Variants in TLN1 observed in about 807,000 individuals in gnomAD.
The protein encoded by TLN1 is talin-1.
Under a neutral mutation model 292.3 loss-of-function variants are expected in TLN1, and 56 were observed. The ratio of observed to expected loss-of-function variants is 0.19; its 90% CI spans 0.15 to 0.24. The LOEUF is 0.24. Ranked by LOEUF, TLN1 falls within the 10% of genes least tolerant of loss-of-function variation. The probability of loss-of-function intolerance (pLI) is 1.00; values close to 1 mark genes in which losing one functional copy is unlikely to be tolerated. For missense variants in TLN1, 2,433 were observed against 3,248.2 expected, an observed-to-expected ratio of 0.75 and a Z score of 6.10; for synonymous variants, 1,119 against 1,253.7, an observed-to-expected ratio of 0.89 and a Z score of 2.27.
chr9:35,718,539 G>C (rs143310482), intron 17 of TLN1, among the ~76,000 whole-genome samples: 3 of 152,236 alleles, frequency 2.0e-5, no homozygotes, highest in African/African-American at 7.2e-5. Context: ...ATTGGGGCAA[G>C]GGCTATGTAC....
intron 1 of TLN1, among the ~76,000 whole-genome samples, chr9:35,727,601 C>A (rs191029109): frequency 6.6e-6 from 1 of 152,290 alleles, no homozygotes; most frequent in East Asian, 1.9e-4. Flanking sequence ...CTTTGCCCAA[C>A]CTTATTACTA....
At position 35,719,061 on chromosome 9, in the gene TLN1, T is replaced by C; in HGVS notation, c.1896+13A>G. On this transcript the variant is annotated intron_variant, in intron 16 of 56. Coordinates refer to ENST00000314888, the MANE Select transcript of TLN1 (RefSeq NM_006289.4). The surrounding 1 kb of genome is among the most constrained non-coding windows in gnomAD (Gnocchi z 4.6). ...CCCTGTCTCCACCCTAACCCAAACC[T>C]GTGGCCCCTGACCTCAGCACTGGCT... 1 of 1,608,158 alleles carries C rather than the reference T, an allele frequency of 6.2e-7. No homozygotes were observed. The highest frequency in any genetic ancestry group is 2.2e-5 in the East Asian group (1 of 44,758).
chr9:35,714,423 T>G lies in TLN1; in HGVS notation c.2986-50A>C. ...GAAGTGTGCCATCCTCCCTCTGGGC[T>G]TGGGTACAAGGACTGATGATGGTCA... On this transcript the variant is annotated intron_variant, in intron 23 of 56. Transcript: ENST00000314888. This position sits in a 1 kb window ranked among gnomAD's most constrained non-coding sequence, Gnocchi z 4.6. 1.9e-6 allele frequency: 3 copies of G among 1,581,692 alleles called. No homozygotes were observed. The highest frequency in any genetic ancestry group is 2.6e-6 in the Non-Finnish European group (3 of 1,164,870).
Position 35,704,949 on chromosome 9 carries a change from A to G in TLN1, c.5734-134T>C, listed in dbSNP as rs1825537555. 8.9e-7 allele frequency: 1 copy of G among 1,125,834 alleles called. No individual in the cohort carries two copies. The allele number at this position is 1,125,834 out of a possible 1,614,324, so 69.7% of individuals were successfully genotyped here. ...AAAGAAGCAGAGAGAGAAGGTTCCCAGCACAAGGACGTTTCCGGTTGCATA... is the reference window on the plus strand; with the variant it reads ...AAAGAAGCAGAGAGAGAAGGTTCCCGGCACAAGGACGTTTCCGGTTGCATA... On this transcript the variant is annotated intron_variant, in intron 43 of 56. Coordinates refer to ENST00000314888, the MANE Select transcript of TLN1 (RefSeq NM_006289.4). This position sits in a 1 kb window ranked among gnomAD's most constrained non-coding sequence, Gnocchi z 6.9.
chr9:35,715,295 A>G (rs1825757833), intron 20 of TLN1, 108 bp from the exon 21 acceptor site: 1 of 1,438,836 alleles, frequency 7.0e-7, no homozygotes, highest in Admixed American at 2.3e-5. Context: ...ATTTTCCTGA[A>G]GTCATCTCTA....
At chr9:35,711,176 G>A (rs1209565751) in intron 30 of TLN1, 79 bp downstream of exon 30, 3 of 1,609,834 alleles carry the variant, frequency 1.9e-6, no homozygotes, top group Non-Finnish European at 2.5e-6. Context: ...CCATTCCTAA[G>A]CCAAGAAGCT....
At position 35,699,856 on chromosome 9, in the gene TLN1, T is replaced by C. The variant is rs1242216047; in HGVS notation, c.6768+118A>G. ...TGGAAAGGAGAACAGATTTGGGAAGTAGAGGGTGGGGTAGGGAGGAGATCT... is the reference window on the plus strand; with the variant it reads ...TGGAAAGGAGAACAGATTTGGGAAGCAGAGGGTGGGGTAGGGAGGAGATCT... On this transcript the variant is annotated intron_variant, in intron 50 of 56. Coordinates refer to ENST00000314888, the MANE Select transcript of TLN1 (RefSeq NM_006289.4). The surrounding 1 kb of genome is among the most constrained non-coding windows in gnomAD (Gnocchi z 4.0). 5.2e-6 allele frequency: 6 copies of C among 1,153,074 alleles called. No individual in the cohort carries two copies. Among genetic ancestry groups the C allele is most frequent in the Non-Finnish European group, 7.2e-6 (6 of 834,448 alleles). 71.4% of individuals were successfully genotyped at this position (1,153,074 alleles called of 1,614,324 possible). A position where few individuals can be genotyped will look rare whatever the true frequency, so the allele number is the denominator to read the frequency against.
rs375218015 is a variant in TLN1, at chr9:35,713,956, C to T, written c.3246G>A (p.Glu1082=). 5.6e-6 allele frequency: 9 copies of T among 1,614,010 alleles called. No homozygotes were observed. The African/African-American group carries it at 1.2e-4, about 22-fold the overall frequency. ...RDGKLKPLPG[E]TMEKCTQDLG... ...ATGAGGTCTTAAACATACTTACTGT[C>T]TCCCCAGGTAAGGGTTTAAGCTTGC... Residue 1082 remains glutamate (E), a synonymous_variant, in exon 25 of 57, where the codon GAG becomes GAA. Transcript: ENST00000314888.
chr9:35,703,730 T>G lies in TLN1; in HGVS notation c.6357+45A>C, dbSNP rs370685076. The G allele has an allele frequency of 1.2e-5, 20 of 1,614,182 alleles. No individual in the cohort carries two copies. In the African/African-American group the frequency reaches 1.7e-4, roughly 14 times the overall value. On this transcript the variant is annotated intron_variant, in intron 47 of 56. Coordinates refer to ENST00000314888, the MANE Select transcript of TLN1 (RefSeq NM_006289.4). Reference sequence around the variant, plus strand: ...TGATTTTAAGGAACAGGAGGAAGTATGTTAATCCAGTGCCCCTCCTGATGT... The same window carrying G: ...TGATTTTAAGGAACAGGAGGAAGTAGGTTAATCCAGTGCCCCTCCTGATGT...
intron 41 of TLN1, 55 bp from the exon 42 acceptor site, chr9:35,705,906 T>C (rs572543517): frequency 1.2e-6 from 2 of 1,614,102 alleles, no homozygotes; most frequent in African/African-American, 1.3e-5. Context: ...GCCACTGTGC[T>C]TGGAGGCTCT....
chr9:35,714,744 C>T lies in TLN1; in HGVS notation c.2871+16G>A. 6.2e-7 allele frequency: 1 copy of T among 1,607,634 alleles called. No individual in the cohort carries two copies. Among genetic ancestry groups the T allele is most frequent in the South Asian group, 1.1e-5 (1 of 90,028 alleles). On this transcript the variant is annotated intron_variant, in intron 22 of 56. Coordinates refer to ENST00000314888, the MANE Select transcript of TLN1 (RefSeq NM_006289.4). The surrounding 1 kb of genome is among the most constrained non-coding windows in gnomAD (Gnocchi z 4.6). ...AGTCTCCCTCTTCCACTCCCACATC[C>T]TTCCTAGAGTCTTACCTTGCAGCTC...
chr9:35,725,514 C>T (rs746454568), intron 2 of TLN1, 51 bp downstream of exon 2: 69 of 1,596,784 alleles, frequency 4.3e-5, no homozygotes, highest in African/African-American at 2.0e-4. Flanking sequence ...AGCCTGGGAA[C>T]AAGAAGGGAC....
chr9:35,716,783 C>A (rs1374723040), intron 19 of TLN1, among the ~76,000 whole-genome samples: 1 of 152,170 alleles, frequency 6.6e-6, no homozygotes, highest in Non-Finnish European at 1.5e-5. Flanking sequence ...GAAGGACAGT[C>A]TCCAATGGGT....
In TLN1 at chr9:35,707,477, C is replaced by T. The variant is rs1478447505; in HGVS notation, c.4644G>A (p.Gly1548=). The T allele has an allele frequency of 1.2e-6, 2 of 1,614,028 alleles. No individual in the cohort carries two copies. Among genetic ancestry groups the T allele is most frequent in the East Asian group, 4.5e-5 (2 of 44,886 alleles). ...GGGCACGGTTCTCCTCTGTGAAGGC[C>T]CCATCTAGCGCCTAGAAGTGACAGA... ...NLVKTIKALD[G]AFTEENRAQC... is the part of the protein sequence containing the mutation. The change falls in exon 36 of 57, where the codon GGG becomes GGA. Residue 1548 remains glycine, a synonymous_variant. Transcript: ENST00000314888. This position sits in a 1 kb window ranked among gnomAD's most constrained non-coding sequence, Gnocchi z 5.6.
At position 35,702,476 on chromosome 9, in the gene TLN1, A is replaced by T. The variant is rs547958320; in HGVS notation, c.6474+1084T>A. 2.6e-5 allele frequency among the ~76,000 whole-genome samples: 4 copies of T among 152,210 alleles called. No individual in the cohort carries two copies. The South Asian group carries it at 8.3e-4, about 32-fold the overall frequency. On this transcript the variant is annotated intron_variant, in intron 48 of 56. Coordinates refer to ENST00000314888, the MANE Select transcript of TLN1 (RefSeq NM_006289.4). ...AGCCAGTATCTAGGCCAAGGGAAGA[A>T]AGAATTTCATTTTTTTTCTTTTTTG...
Position 35,717,434 on chromosome 9 carries a change from C to A in TLN1, c.2170G>T (p.Ala724Ser). ...CAGACAGGTGAGCTGATTGTAGGTG[C>A]CACCACCTGTAGGTAAAGTGAATGT... Reference protein sequence around the residue: ...SQLVACTKVVAPTISSPVCQE... With the variant: ...SQLVACTKVVSPTISSPVCQE... The change falls in exon 19 of 57, where the codon GCA becomes TCA. Residue 724 changes from alanine to serine, a missense_variant. Coordinates refer to ENST00000314888, the MANE Select transcript of TLN1 (RefSeq NM_006289.4). The surrounding 1 kb of genome is among the most constrained non-coding windows in gnomAD (Gnocchi z 4.7). 2 of 1,612,204 alleles carry A rather than the reference C, an allele frequency of 1.2e-6. No homozygotes were observed. Among genetic ancestry groups the A allele is most frequent in the Non-Finnish European group, 1.7e-6 (2 of 1,178,502 alleles).
chr9:35,713,990 G>C lies in TLN1; in HGVS notation c.3212C>G (p.Ala1071Gly). 6.2e-7 allele frequency: 1 copy of C among 1,614,152 alleles called. No individual in the cohort carries two copies. Among genetic ancestry groups the C allele is most frequent in the Non-Finnish European group, 8.5e-7 (1 of 1,180,030 alleles). ...TAAGGGTTTAAGCTTGCCATCTCGA[G>C]CTGCTGCCTTCACTTCCTGTAGATC... is the stretch of plus-strand genomic sequence containing the variant. ...EKDLQEVKAA[A>G]RDGKLKPLPG... The change falls in exon 25 of 57, where the codon GCT becomes GGT. Residue 1071 changes from alanine (A) to glycine (G), a missense_variant. Physicochemically the swap from Ala to Gly is moderately conservative, Grantham distance 60. Coordinates refer to ENST00000314888, the MANE Select transcript of TLN1 (RefSeq NM_006289.4).
At position 35,717,076 on chromosome 9, in the gene TLN1, G is replaced by A; in HGVS notation, c.2458+70C>T. 3.9e-6 allele frequency: 6 copies of A among 1,521,624 alleles called. No individual in the cohort carries two copies. In the South Asian group the frequency reaches 5.2e-5, roughly 13 times the overall value. 94.3% of individuals were successfully genotyped at this position (1,521,624 alleles called of 1,614,324 possible). On this transcript the variant is annotated intron_variant, in intron 19 of 56. Coordinates refer to ENST00000314888, the MANE Select transcript of TLN1 (RefSeq NM_006289.4). This position sits in a 1 kb window ranked among gnomAD's most constrained non-coding sequence, Gnocchi z 4.7. ...TGGGGTGAAGTGGTTAGGTCCGCAAGGGGATGATGTCCAGTGGGCTTAGGG... is the reference window on the plus strand; with the variant it reads ...TGGGGTGAAGTGGTTAGGTCCGCAAAGGGATGATGTCCAGTGGGCTTAGGG...
At position 35,717,486 on chromosome 9, in the gene TLN1, T is replaced by TA. The variant is rs1825807445; in HGVS notation, c.2164-47dup. The stretch of plus-strand genomic sequence containing the variant: ...AGAGACGTAGGCAAGGGAAAGGAGG[T>TA]AGAGTATGCTGCTCATAGCAGTAAC... On this transcript the variant is annotated intron_variant, in intron 18 of 56. Coordinates refer to ENST00000314888, the MANE Select transcript of TLN1 (RefSeq NM_006289.4). The surrounding 1 kb of genome is among the most constrained non-coding windows in gnomAD (Gnocchi z 4.7). The TA allele has an allele frequency of 6.3e-7, 1 of 1,593,928 alleles. No individual in the cohort carries two copies. Among genetic ancestry groups the TA allele is most frequent in the Non-Finnish European group, 8.6e-7 (1 of 1,167,036 alleles).
Sources: allele counts gnomAD v4.1 joint callset (sites outside exome capture counted in the v4.1 genomes callset), GRCh38; gene constraint gnomAD v4.1.1; non-coding constraint Gnocchi (gnomAD v3.1); transcripts MANE v1.5; gene names NCBI Gene and HGNC (gene_info 2026-07-23, HGNC 2026-07-21).